ALDH7A1: variants seen among roughly 807,000 people sequenced by gnomAD.
ALDH7A1 encodes alpha-aminoadipic semialdehyde dehydrogenase.
A neutral mutation model predicts 79.9 loss-of-function variants in ALDH7A1; 63 were observed. The observed-to-expected ratio is 0.79, with a 90% confidence interval of 0.64 to 0.97. The LOEUF is 0.97. ALDH7A1 is among the 50% of genes least tolerant of loss of function. ALDH7A1 has a pLI of 0.00. For synonymous variants in ALDH7A1, 240 were observed against 231.2 expected (o/e 1.04, Z -0.34); for missense variants, 627 against 665.2 (o/e 0.94, Z 0.63).
intron 7 of ALDH7A1, chr5:126,571,141 T>C: frequency 3.3e-6 from 1 of 306,054 alleles, no homozygotes; most frequent in Non-Finnish European, 6.2e-6. Context: ...TTCAAAAAAC[T>C]ATTAGCAGAT....
At chr5:126,584,677 A>G (rs979866482) in intron 3 of ALDH7A1, among the ~76,000 whole-genome samples, 5 of 150,362 alleles carry the variant, frequency 3.3e-5, no homozygotes, top group African/African-American at 1.2e-4. Flanking sequence ...AAAAAAAAAA[A>G]AAGATTGCAG....
intron 3 of ALDH7A1, 94 bp from the exon 4 acceptor site, chr5:126,584,106 A>T: frequency 9.3e-7 from 1 of 1,076,010 alleles, no homozygotes. Flanking sequence ...AACAAATTAC[A>T]ATCATATCAA....
chr5:126,546,250 G>T, intron 17 of ALDH7A1, 74 bp downstream of exon 17: 1 of 1,314,864 alleles, frequency 7.6e-7, no homozygotes, highest in Non-Finnish European at 1.1e-6. Context: ...AGACAGCACA[G>T]ACAGTAGGAA....
chr5:126,548,723 G>A (rs888026273), intron 16 of ALDH7A1, among the ~76,000 whole-genome samples: 2 of 151,808 alleles, frequency 1.3e-5, no homozygotes, highest in Non-Finnish European at 2.9e-5. Flanking sequence ...TACTGTGCCT[G>A]GGCACCAAAA....
At position 126,556,239 on chromosome 5, in the gene ALDH7A1, C is replaced by CTTTTTTTT. The variant is rs35367836; in HGVS notation, c.1009-232_1009-225dup. 4.3e-4 allele frequency among the ~76,000 whole-genome samples: 42 copies of CTTTTTTTT among 97,932 alleles called. 6 individuals are homozygous for CTTTTTTTT. The highest frequency in any genetic ancestry group is 5.2e-4 in the Non-Finnish European group (27 of 51,756). The allele number at this position is 97,932 out of a possible 152,430, so 64.2% of individuals were successfully genotyped here. The stretch of plus-strand genomic sequence containing the variant: ...AATAGAATAAAATCATAAGCCATGT[C>CTTTTTTTT]TTTTTTTTTTTTTTTTTTTTTGAGA... On this transcript the variant is annotated intron_variant, in intron 11 of 17. Transcript: ENST00000409134.
chr5:126,561,535 C>T (rs4626334), intron 9 of ALDH7A1: 106,990 of 153,398 alleles, frequency 0.7, 37,995 homozygotes, highest in East Asian at 0.79. Context: ...CACGCGCGCA[C>T]AGATGTTGCT....
chr5:126,568,287 C>G lies in ALDH7A1; in HGVS notation c.843G>C (p.Gln281His), dbSNP rs771054683. Residue 281 changes from glutamine to histidine, a missense_variant, in exon 9 of 18, where the codon CAG (glutamine) becomes CAC (histidine). By Grantham distance (24) the Gln-to-His change is conservative. Transcript: ENST00000409134. ...SFTGSTQVGK[Q>H]VGLMVQERFG... ...ACCTCTCCTGCACCATCAGGCCCAC[C>G]TGTTTTCCCACCTGAGTGCTCCCAG... 4 of 1,614,034 alleles carry G rather than the reference C, an allele frequency of 2.5e-6. No homozygotes were observed. Among genetic ancestry groups the G allele is most frequent in the Non-Finnish European group, 2.5e-6 (3 of 1,180,022 alleles).
intron 17 of ALDH7A1, among the ~76,000 whole-genome samples, chr5:126,545,990 G>A (rs1349246624): frequency 3.9e-5 from 6 of 152,052 alleles, no homozygotes; most frequent in African/African-American, 1.2e-4. Context: ...GCTCACGCCT[G>A]TAATCTCAGC....
intron 10 of ALDH7A1, 95 bp from the exon 11 acceptor site, chr5:126,559,429 T>C: frequency 2.7e-6 from 2 of 752,568 alleles, no homozygotes; most frequent in Non-Finnish European, 4.1e-6. Flanking sequence ...TTGTTTTTGG[T>C]TTTGGTTTTT....
chr5:126,557,278 G>A (rs1277870755), intron 11 of ALDH7A1, among the ~76,000 whole-genome samples: 2 of 152,072 alleles, frequency 1.3e-5, no homozygotes, highest in African/African-American at 4.8e-5. Context: ...CAAAACACCT[G>A]AAAAAACAAA....
chr5:126,574,376 G>A (rs1750893683), intron 7 of ALDH7A1, among the ~76,000 whole-genome samples: 1 of 149,134 alleles, frequency 6.7e-6, no homozygotes, highest in Non-Finnish European at 1.5e-5. Flanking sequence ...CTCCAGCCTG[G>A]CGACAGAGCA....
intron 2 of ALDH7A1, 43 bp downstream of exon 2, chr5:126,593,308 A>ACACAC (rs1751614790): frequency 1.9e-6 from 3 of 1,546,902 alleles, no homozygotes; most frequent in Non-Finnish European, 2.6e-6. Flanking sequence ...ATTTGAATTA[A>ACACAC]ACACACACAC....
chr5:126,583,242 A>T (rs1392374957), intron 4 of ALDH7A1, among the ~76,000 whole-genome samples: 1 of 152,230 alleles, frequency 6.6e-6, no homozygotes, highest in Non-Finnish European at 1.5e-5. Context: ...GCACTTTGGG[A>T]GGCCAAGGCG....
intron 1 of ALDH7A1, chr5:126,593,911 T>C (rs932929277): frequency 3.7e-6 from 1 of 269,452 alleles, no homozygotes; most frequent in Non-Finnish European, 7.3e-6. Flanking sequence ...GAAATCAGGA[T>C]GAAACACCGA....
rs200303655 is a variant in ALDH7A1, at chr5:126,559,433, G to T, written c.914-99C>A. ...AATGTTGTTTTTTGTTTTTGGTTTTGGTTTTTTTTTTTTTTTTTTGAGACA... is the reference window on the plus strand; with the variant it reads ...AATGTTGTTTTTTGTTTTTGGTTTTTGTTTTTTTTTTTTTTTTTTGAGACA... On this transcript the variant is annotated intron_variant, in intron 10 of 17. Coordinates refer to ENST00000409134, the MANE Select transcript of ALDH7A1 (RefSeq NM_001182.5). 48 of 569,596 alleles carry T rather than the reference G, an allele frequency of 8.4e-5. No individual in the cohort carries two copies. In the East Asian group the frequency reaches 1.1e-3, roughly 13 times the overall value. The allele number at this position is 569,596 out of a possible 1,614,324, so 35.3% of individuals were successfully genotyped here. A position where few individuals can be genotyped will look rare whatever the true frequency, so the allele number is the denominator to read the frequency against.
chr5:126,549,028 C>A (rs1190366872), intron 16 of ALDH7A1, among the ~76,000 whole-genome samples: 1 of 132,164 alleles, frequency 7.6e-6, no homozygotes, highest in African/African-American at 2.9e-5. Flanking sequence ...GAGCTGTGAT[C>A]GCGCCACTGC....
chr5:126,581,301 T>C (rs1226814104), intron 5 of ALDH7A1: 1 of 152,128 alleles, frequency 6.6e-6, no homozygotes, highest in Non-Finnish European at 1.5e-5. Context: ...AATAGATAGC[T>C]GCAAACACAG....
chr5:126,549,029 G>A (rs34825424), intron 16 of ALDH7A1, among the ~76,000 whole-genome samples: 47,105 of 140,540 alleles, frequency 0.34, 7,827 homozygotes, highest in Admixed American at 0.38. Flanking sequence ...AGCTGTGATC[G>A]CGCCACTGCA....
At position 126,552,042 on chromosome 5, in the gene ALDH7A1, A is replaced by G; in HGVS notation, c.1296T>C (p.Ile432=). The G allele has an allele frequency of 6.2e-7, 1 of 1,613,564 alleles. No individual in the cohort carries two copies. The highest frequency in any genetic ancestry group is 8.5e-7 in the Non-Finnish European group (1 of 1,179,818). The change falls in exon 14 of 18, where the codon ATT becomes ATC. Residue 432 remains isoleucine (I), a synonymous_variant. Coordinates refer to ENST00000409134, the MANE Select transcript of ALDH7A1 (RefSeq NM_001182.5). ...SIAHTETFAP[I]LYVFKFKNEE... ...TTACCTTGAATTTAAAGACATAGAG[A>G]ATCGGAGCAAAAGTCTCTGTGTGTG...
Sources: allele counts gnomAD v4.1 joint callset (sites outside exome capture counted in the v4.1 genomes callset), GRCh38; gene constraint gnomAD v4.1.1; transcripts MANE v1.5; gene names NCBI Gene and HGNC (gene_info 2026-07-23, HGNC 2026-07-21).